The following MAN2A1 variants were observed in gnomAD, a reference collection of about 807,000 sequenced individuals.
MAN2A1 encodes the protein mannosidase alpha class 2A member 1.
Under a neutral mutation model 142.6 loss-of-function variants are expected in MAN2A1, and 76 were observed. The observed-to-expected ratio is 0.53, with a 90% CI of 0.44 to 0.65. The LOEUF is 0.65. Among genes scored for constraint, MAN2A1 ranks in the 30% least tolerant of loss-of-function variants. The pLI, the probability that MAN2A1 is intolerant of heterozygous loss-of-function variation, is 0.00. For synonymous variants in MAN2A1, 559 were observed against 473.2 expected (o/e 1.18, Z -2.35); for missense variants, 1,311 against 1,365.1 (o/e 0.96, Z 0.62).
In MAN2A1 at chr5:109,731,611, G is replaced by A. The variant is rs199665131; in HGVS notation, c.707+2098G>A. Among the ~76,000 whole-genome samples the A allele has an allele frequency of 1.5e-4, 22 of 147,914 alleles. 1 individual carries two copies. In the East Asian group the frequency reaches 4.3e-3, roughly 29 times the overall value. Reference sequence around the variant, plus strand: ...CCACCTATGAGTGAGAACATGTGGTGTTTGGTTTTTTGTCCTTGCGATAAT... The same window carrying A: ...CCACCTATGAGTGAGAACATGTGGTATTTGGTTTTTTGTCCTTGCGATAAT... On this transcript the variant is annotated intron_variant, in intron 4 of 21. Coordinates refer to ENST00000261483, the MANE Select transcript of MAN2A1 (RefSeq NM_002372.4).
intron 16 of MAN2A1, among the ~76,000 whole-genome samples, chr5:109,830,160 A>C (rs1252889322): frequency 6.6e-6 from 1 of 152,162 alleles, no homozygotes; most frequent in Non-Finnish European, 1.5e-5. Flanking sequence ...TATTTTGATG[A>C]AATCCATGCA....
intron 1 of MAN2A1, among the ~76,000 whole-genome samples, chr5:109,699,114 C>T (rs1750899283): frequency 6.6e-6 from 1 of 152,124 alleles, no homozygotes; most frequent in East Asian, 1.9e-4. Context: ...GATGTAATTG[C>T]ATTTGTTTTC....
At chr5:109,810,904 A>G (rs932848036) in intron 12 of MAN2A1, among the ~76,000 whole-genome samples, 7 of 152,124 alleles carry the variant, frequency 4.6e-5, no homozygotes, top group African/African-American at 1.2e-4. Context: ...TCTCAACTTC[A>G]ATTTGACAAA....
chr5:109,697,639 A>G (rs2112539781), intron 1 of MAN2A1, among the ~76,000 whole-genome samples: 1 of 152,346 alleles, frequency 6.6e-6, no homozygotes, highest in African/African-American at 2.4e-5. Flanking sequence ...GACCACTTTC[A>G]CACAACAGTG....
At chr5:109,779,807 G>A (rs774211655) in intron 8 of MAN2A1, among the ~76,000 whole-genome samples, 1 of 152,024 alleles carries the variant, frequency 6.6e-6, no homozygotes, top group Non-Finnish European at 1.5e-5. Context: ...TCTCTGTTTG[G>A]TGAAGCCAAG....
chr5:109,777,340 A>G (rs1430763869), intron 8 of MAN2A1, among the ~76,000 whole-genome samples: 1 of 151,860 alleles, frequency 6.6e-6, no homozygotes, highest in Non-Finnish European at 1.5e-5. Flanking sequence ...CTCTTTTCAT[A>G]TGTTTATTGC....
intron 7 of MAN2A1, among the ~76,000 whole-genome samples, chr5:109,771,418 T>C (rs909159026): frequency 2.1e-4 from 32 of 152,188 alleles, no homozygotes; most frequent in African/African-American, 6.5e-4. Context: ...CAATGAGTCC[T>C]TAGAATCACA....
chr5:109,846,219 A>G (rs1755341380), intron 18 of MAN2A1, among the ~76,000 whole-genome samples: 1 of 152,238 alleles, frequency 6.6e-6, no homozygotes, highest in African/African-American at 2.4e-5. Flanking sequence ...GAAGAACAGG[A>G]GACCTAAAAT....
chr5:109,820,018 C>A, intron 14 of MAN2A1, 131 bp downstream of exon 14: 1 of 828,730 alleles, frequency 1.2e-6, no homozygotes, highest in Non-Finnish European at 1.9e-6. Flanking sequence ...TAAAAGGAAG[C>A]ATGAGCTTTT....
At chr5:109,819,977 C>T in intron 14 of MAN2A1, 90 bp downstream of exon 14, 1 of 971,568 alleles carries the variant, frequency 1.0e-6, no homozygotes, top group South Asian at 1.7e-5. Context: ...GGAAAAAAGT[C>T]TTAAGTAGAG....
At chr5:109,772,779 G>T (rs1386463879) in intron 7 of MAN2A1, among the ~76,000 whole-genome samples, 1 of 152,052 alleles carries the variant, frequency 6.6e-6, no homozygotes, top group African/African-American at 2.4e-5. Context: ...CAAAGTGCTG[G>T]GATTACAGGT....
chr5:109,714,837 A>C (rs1751407886), intron 2 of MAN2A1, among the ~76,000 whole-genome samples: 4 of 152,196 alleles, frequency 2.6e-5, no homozygotes, highest in African/African-American at 9.7e-5. Flanking sequence ...TTGCACCTGC[A>C]ACCTCATCAG....
At chr5:109,710,697 T>A (rs542028284) in intron 1 of MAN2A1, among the ~76,000 whole-genome samples, 19 of 123,450 alleles carry the variant, frequency 1.5e-4, no homozygotes, top group Admixed American at 1.0e-3. Context: ...TATTTACCTA[T>A]TTTTTTTTTT....
chr5:109,793,654 A>G (rs931847699), intron 12 of MAN2A1, among the ~76,000 whole-genome samples: 2 of 152,156 alleles, frequency 1.3e-5, no homozygotes, highest in African/African-American at 2.4e-5. Context: ...TGGAATTTGT[A>G]TAACTGTCCA....
At position 109,733,957 on chromosome 5, in the gene MAN2A1, T is replaced by C. The variant is rs1335346467; in HGVS notation, c.707+4444T>C. On this transcript the variant is annotated intron_variant, in intron 4 of 21. Transcript: ENST00000261483. ...GAATGGTACCAGTTCCTCCTTGTACTTCTGGTAGAATTCGGCTGTGAATCC... is the reference window on the plus strand; with the variant it reads ...GAATGGTACCAGTTCCTCCTTGTACCTCTGGTAGAATTCGGCTGTGAATCC... Among the ~76,000 whole-genome samples the C allele has an allele frequency of 1.4e-4, 21 of 152,032 alleles. 1 individual carries two copies. Among genetic ancestry groups the C allele is most frequent in the Admixed American group, 2.6e-4 (4 of 15,260 alleles).
chr5:109,754,716 T>C (rs2112626371), intron 4 of MAN2A1, among the ~76,000 whole-genome samples: 1 of 152,242 alleles, frequency 6.6e-6, no homozygotes, highest in Non-Finnish European at 1.5e-5. Flanking sequence ...ATAAACTAGA[T>C]ATGGGCTGGG....
At chr5:109,734,958 G>T (rs1180251953) in intron 4 of MAN2A1, among the ~76,000 whole-genome samples, 1 of 152,156 alleles carries the variant, frequency 6.6e-6, no homozygotes, top group Non-Finnish European at 1.5e-5. Context: ...TCTGTCTAAT[G>T]TTGACAGTGG....
intron 4 of MAN2A1, among the ~76,000 whole-genome samples, chr5:109,751,189 C>T (rs1007554365): frequency 6.6e-6 from 1 of 151,972 alleles, no homozygotes; most frequent in African/African-American, 2.4e-5. Context: ...TTCTACTCTC[C>T]ACTTCTGTGA....
At chr5:109,798,353 A>C (rs944169485) in intron 12 of MAN2A1, among the ~76,000 whole-genome samples, 1 of 152,202 alleles carries the variant, frequency 6.6e-6, no homozygotes, top group Non-Finnish European at 1.5e-5. Context: ...CTCCTCAAAC[A>C]TCTGTCTCTG....
Sources: allele counts gnomAD v4.1 joint callset (sites outside exome capture counted in the v4.1 genomes callset), GRCh38; gene constraint gnomAD v4.1.1; transcripts MANE v1.5; gene names NCBI Gene and HGNC (gene_info 2026-07-23, HGNC 2026-07-21).